The following RPS6KC1 variants were observed in gnomAD, a reference collection of about 807,000 sequenced individuals.
The protein encoded by RPS6KC1 is ribosomal protein S6 kinase C1.
A neutral mutation model predicts 103.8 loss-of-function variants in RPS6KC1; 54 were observed. The ratio of observed to expected loss-of-function variants is 0.52; its 90% CI spans 0.42 to 0.65. The LOEUF is 0.65. Ranked by LOEUF, RPS6KC1 falls within the 30% of genes least tolerant of loss-of-function variation. The pLI is 0.00. For missense variants in RPS6KC1, 1,151 were observed against 1,253.8 expected, an observed-to-expected ratio of 0.92 and a Z score of 1.24; for synonymous variants, 439 against 438.7, an observed-to-expected ratio of 1.00 and a Z score of -0.01.
At chr1:213,552,499 C>A in the RPS6KC1 span, among the ~76,000 whole-genome samples, 1 of 152,154 alleles carries the variant, frequency 6.6e-6, no homozygotes, top group African/African-American at 2.4e-5. Flanking sequence ...TATTTTCCAT[C>A]CGTATATCTT....
At chr1:213,744,309 AAAAT>A in the RPS6KC1 span, among the ~76,000 whole-genome samples, 2 of 152,198 alleles carry the variant, frequency 1.3e-5, no homozygotes, top group Middle Eastern at 3.2e-3. Context: ...TGATATAAAA[AAAAT>A]AAAAAAAACC....
chr1:213,068,438 C>A (rs1218985500), intron 1 of RPS6KC1, among the ~76,000 whole-genome samples: 1 of 132,702 alleles, frequency 7.5e-6, no homozygotes, highest in East Asian at 2.5e-4. Context: ...GAGCCAAGAT[C>A]GCGCCACTGC....
the RPS6KC1 span, among the ~76,000 whole-genome samples, chr1:213,534,978 A>G: frequency 1.3e-5 from 2 of 152,146 alleles, no homozygotes; most frequent in Admixed American, 6.5e-5. Flanking sequence ...AGGACATACT[A>G]TATCAACACT....
At chr1:213,145,741 A>G (rs2087683485) in intron 6 of RPS6KC1, among the ~76,000 whole-genome samples, 1 of 152,028 alleles carries the variant, frequency 6.6e-6, no homozygotes, top group Non-Finnish European at 1.5e-5. Flanking sequence ...TTTGGTAGGT[A>G]CATAGTAGGT....
the RPS6KC1 span, among the ~76,000 whole-genome samples, chr1:213,809,468 C>T: frequency 2.0e-5 from 3 of 152,094 alleles, no homozygotes; most frequent in African/African-American, 7.2e-5. Flanking sequence ...GGAAAAATGT[C>T]ACTAACAAAC....
chr1:213,053,877 C>G (rs1474736855), intron 1 of RPS6KC1, among the ~76,000 whole-genome samples: 1 of 151,484 alleles, frequency 6.6e-6, no homozygotes, highest in African/African-American at 2.4e-5. Context: ...CGCTCTCTTG[C>G]CCAGGCTGGA....
At chr1:213,110,314 A>G (rs2082903027) in intron 4 of RPS6KC1, among the ~76,000 whole-genome samples, 1 of 151,924 alleles carries the variant, frequency 6.6e-6, no homozygotes, top group African/African-American at 2.4e-5. Context: ...TATATTTTGG[A>G]TAATATACGA....
the RPS6KC1 span, among the ~76,000 whole-genome samples, chr1:213,795,166 T>C: frequency 6.6e-6 from 1 of 152,230 alleles, no homozygotes; most frequent in African/African-American, 2.4e-5. Flanking sequence ...CCTATTGATT[T>C]CTCTGTATAT....
intron 8 of RPS6KC1, among the ~76,000 whole-genome samples, chr1:213,227,820 C>A (rs1464836680): frequency 6.6e-6 from 1 of 152,118 alleles, no homozygotes; most frequent in African/African-American, 2.4e-5. Flanking sequence ...CTGTGCTTTG[C>A]CTTTCTTTTC....
At chr1:213,623,368 A>T in the RPS6KC1 span, among the ~76,000 whole-genome samples, 2 of 152,014 alleles carry the variant, frequency 1.3e-5, no homozygotes, top group African/African-American at 4.8e-5. Context: ...TCGCCATTTA[A>T]CTCAATTTAG....
intron 6 of RPS6KC1, among the ~76,000 whole-genome samples, chr1:213,151,190 C>T (rs2088781474): frequency 7.9e-5 from 11 of 139,766 alleles, no homozygotes; most frequent in African/African-American, 1.3e-4. Flanking sequence ...CACCTCCCTC[C>T]CGGATGGGGC....
chr1:213,662,238 T>C, the RPS6KC1 span, among the ~76,000 whole-genome samples: 1 of 145,698 alleles, frequency 6.9e-6, no homozygotes, highest in African/African-American at 2.5e-5. Context: ...AAAAAAAAAA[T>C]TAGCAATATC....
the RPS6KC1 span, among the ~76,000 whole-genome samples, chr1:213,544,136 CA>C: frequency 6.6e-6 from 1 of 152,062 alleles, no homozygotes; most frequent in African/African-American, 2.4e-5. Context: ...TGGAAAGAAA[CA>C]GAGTAAAAAC....
chr1:213,850,277 T>G, the RPS6KC1 span, among the ~76,000 whole-genome samples: 9 of 152,242 alleles, frequency 5.9e-5, no homozygotes, highest in African/African-American at 2.2e-4. Flanking sequence ...ACATTTCTAT[T>G]ACTAGATCAC....
the RPS6KC1 span, among the ~76,000 whole-genome samples, chr1:213,743,510 A>AG: frequency 3.0e-4 from 45 of 152,366 alleles, no homozygotes; most frequent in Middle Eastern, 3.4e-3. Context: ...ATAAAAGTTG[A>AG]GAAAAAAAAT....
chr1:213,459,168 T>A, the RPS6KC1 span, among the ~76,000 whole-genome samples: 2 of 152,224 alleles, frequency 1.3e-5, no homozygotes, highest in Non-Finnish European at 2.9e-5. Context: ...TGGAATACTT[T>A]CAGAAGGAAT....
intron 4 of RPS6KC1, among the ~76,000 whole-genome samples, chr1:213,106,020 GA>G (rs776122754): frequency 6.6e-6 from 1 of 152,110 alleles, no homozygotes; most frequent in Non-Finnish European, 1.5e-5. Context: ...ATTTCTTCTG[GA>G]TATGGGAATT....
the RPS6KC1 span, among the ~76,000 whole-genome samples, chr1:213,719,232 T>C: frequency 1.3e-5 from 2 of 152,244 alleles, no homozygotes; most frequent in Non-Finnish European, 2.9e-5. Context: ...ACGTGTGATT[T>C]CTTATATTAT....
the RPS6KC1 span, among the ~76,000 whole-genome samples, chr1:213,518,387 A>G: frequency 2.0e-4 from 30 of 152,312 alleles, 1 homozygote; most frequent in Admixed American, 1.2e-3. Flanking sequence ...GATGGGAAGC[A>G]GTAGAGCATG....
Sources: allele counts gnomAD v4.1 joint callset (sites outside exome capture counted in the v4.1 genomes callset), GRCh38; gene constraint gnomAD v4.1.1; transcripts MANE v1.5; gene names NCBI Gene and HGNC (gene_info 2026-07-23, HGNC 2026-07-21).